LIPC: variants seen among roughly 807,000 people sequenced by gnomAD.
The protein encoded by LIPC is lipase C, hepatic type, also known as hepatic triacylglycerol lipase.
LIPC carries 44 observed loss-of-function variants against 50.7 expected under a neutral mutation model. The observed-to-expected ratio is 0.87, with a 90% CI of 0.68 to 1.11. The LOEUF (loss-of-function observed/expected upper bound fraction) is 1.11, where lower values mean the gene tolerates loss of function less well. Ranked by LOEUF, LIPC falls within the 50% of genes most tolerant of loss-of-function variation. LIPC has a pLI of 0.00. For missense variants in LIPC, 697 were observed against 648.2 expected, an observed-to-expected ratio of 1.08 and a Z score of -0.82; for synonymous variants, 271 against 256.4, an observed-to-expected ratio of 1.06 and a Z score of -0.54.
chr15:58,526,183 G>A (rs1381786234), intron 1 of LIPC, among the ~76,000 whole-genome samples: 5 of 152,218 alleles, frequency 3.3e-5, no homozygotes, highest in Admixed American at 2.6e-4. Context: ...TGGCACCCAG[G>A]AGTCTGCATC....
At chr15:58,452,841 G>T (rs1402851503) in intron 1 of LIPC, among the ~76,000 whole-genome samples, 1 of 152,206 alleles carries the variant, frequency 6.6e-6, no homozygotes, top group Non-Finnish European at 1.5e-5. Flanking sequence ...ACAGCTGGGG[G>T]ACACAGAGGT....
chr15:58,463,972 G>A (rs1378406024), intron 1 of LIPC, among the ~76,000 whole-genome samples: 1 of 152,036 alleles, frequency 6.6e-6, no homozygotes, highest in Non-Finnish European at 1.5e-5. Flanking sequence ...AGTCCACAAT[G>A]ACAGGTTTCA....
chr15:58,506,345 G>A (rs1253165513), intron 1 of LIPC, among the ~76,000 whole-genome samples: 3 of 152,120 alleles, frequency 2.0e-5, no homozygotes, highest in Non-Finnish European at 2.9e-5. Flanking sequence ...GTCTTCTTTG[G>A]CATGGGCACA....
chr15:58,470,918 C>T (rs1285547047), intron 1 of LIPC, among the ~76,000 whole-genome samples: 1 of 152,156 alleles, frequency 6.6e-6, no homozygotes, highest in Non-Finnish European at 1.5e-5. Context: ...GTCCTTTTGT[C>T]TGCCTCCTTT....
chr15:58,521,807 C>A (rs1284629821), intron 1 of LIPC: 1 of 152,268 alleles, frequency 6.6e-6, no homozygotes, highest in Non-Finnish European at 1.5e-5. Flanking sequence ...GTTCAGCCCT[C>A]AACAAGTTAA....
intron 1 of LIPC, among the ~76,000 whole-genome samples, chr15:58,536,720 T>C (rs1398086715): frequency 1.3e-5 from 2 of 152,200 alleles, no homozygotes; most frequent in Non-Finnish European, 2.9e-5. Flanking sequence ...GCAGAAATTT[T>C]CTTCATTATC....
intron 1 of LIPC, among the ~76,000 whole-genome samples, chr15:58,484,567 A>T (rs1196104928): frequency 2.6e-5 from 4 of 152,266 alleles, no homozygotes; most frequent in Non-Finnish European, 4.4e-5. Flanking sequence ...GATGAATACT[A>T]TTCTTATCCT....
intron 8 of LIPC, chr15:58,566,275 G>C: frequency 2.0e-6 from 2 of 985,444 alleles, no homozygotes; most frequent in Non-Finnish European, 2.4e-6. Context: ...GAGGCCAAGA[G>C]GTGTTCCCAG....
At chr15:58,457,492 C>G (rs1305518094) in intron 1 of LIPC, among the ~76,000 whole-genome samples, 1 of 152,256 alleles carries the variant, frequency 6.6e-6, no homozygotes, top group Admixed American at 6.5e-5. Flanking sequence ...CGATATGCCA[C>G]TTGGCTCCTT....
intron 1 of LIPC, among the ~76,000 whole-genome samples, chr15:58,500,304 G>C (rs1480091917): frequency 6.9e-6 from 1 of 144,696 alleles, no homozygotes; most frequent in African/African-American, 2.4e-5. Flanking sequence ...GCTGTGAGAT[G>C]ATTTTGTGAG....
chr15:58,446,801 T>C (rs1311819964), intron 1 of LIPC, among the ~76,000 whole-genome samples: 2 of 152,122 alleles, frequency 1.3e-5, no homozygotes, highest in African/African-American at 4.8e-5. Flanking sequence ...CAAATGACTG[T>C]TGCATGTTTG....
intron 1 of LIPC, among the ~76,000 whole-genome samples, chr15:58,478,017 C>T (rs890815639): frequency 1.3e-5 from 2 of 152,096 alleles, no homozygotes; most frequent in East Asian, 1.9e-4. Context: ...ACACCTGTCC[C>T]AGGCTCTGGC....
At chr15:58,485,903 G>A (rs746505011) in intron 1 of LIPC, among the ~76,000 whole-genome samples, 1 of 152,218 alleles carries the variant, frequency 6.6e-6, no homozygotes, top group Non-Finnish European at 1.5e-5. Flanking sequence ...TGTGGGCTGT[G>A]TGAGGACGTC....
chr15:58,519,205 G>A (rs1271834246), intron 1 of LIPC, among the ~76,000 whole-genome samples: 1 of 152,068 alleles, frequency 6.6e-6, no homozygotes, highest in Non-Finnish European at 1.5e-5. Context: ...TCAGGAGATC[G>A]AGACCATCCT....
chr15:58,534,704 C>A (rs1338454138), intron 1 of LIPC, among the ~76,000 whole-genome samples: 3 of 152,136 alleles, frequency 2.0e-5, no homozygotes, highest in Non-Finnish European at 2.9e-5. Context: ...ATAACTGATC[C>A]CGCTTCCCTC....
At chr15:58,511,347 C>A (rs1334794318) in intron 1 of LIPC, among the ~76,000 whole-genome samples, 1 of 152,122 alleles carries the variant, frequency 6.6e-6, no homozygotes, top group Non-Finnish European at 1.5e-5. Flanking sequence ...TCCTCACTAA[C>A]CCCAAGGCCC....
chr15:58,565,674 G>C lies in LIPC; in HGVS notation c.1388+1951G>C, dbSNP rs1894340636. On this transcript the variant is annotated intron_variant, in intron 8 of 8. Coordinates refer to ENST00000299022, the MANE Select transcript of LIPC (RefSeq NM_000236.3). The stretch of plus-strand genomic sequence containing the variant: ...TTGTCTGATTTATTACCCATTTGTT[G>C]GGGGTGTGCTGTTTCCAACAGTTCC... 1.6e-5 allele frequency: 16 copies of C among 1,013,022 alleles called. No individual in the cohort carries two copies. In the South Asian group the frequency reaches 6.6e-4, roughly 42 times the overall value. 62.8% of individuals were successfully genotyped at this position (1,013,022 alleles called of 1,614,324 possible).
intron 6 of LIPC, among the ~76,000 whole-genome samples, chr15:58,560,524 C>A (rs958746835): frequency 2.0e-5 from 3 of 152,174 alleles, no homozygotes; most frequent in Non-Finnish European, 4.4e-5. Context: ...CGAAAGGAGA[C>A]CCTCACCAAA....
rs369706830 is a variant in LIPC at position 58,548,506 on chromosome 15, C to T, written c.985C>T (p.Arg329Cys). Residue 329 changes from arginine to cysteine, a missense_variant, in exon 6 of 9, where the codon CGC (arginine) becomes TGC (cysteine). Physicochemically the swap from Arg to Cys is radical, Grantham distance 180. Coordinates refer to ENST00000299022, the MANE Select transcript of LIPC (RefSeq NM_000236.3). ...CTGCAACACGCTGGGCTACCACGTCCGCCAGGAGCCGCGGAGCAAGAGCAA... is the reference window on the plus strand; with the variant it reads ...CTGCAACACGCTGGGCTACCACGTCTGCCAGGAGCCGCGGAGCAAGAGCAA... ...GRCNTLGYHV[R>C]QEPRSKSKRL... The T allele has an allele frequency of 2.6e-5, 42 of 1,603,762 alleles. No individual in the cohort carries two copies. Among genetic ancestry groups the T allele is most frequent in the Admixed American group, 1.6e-4 (9 of 57,924 alleles).
Sources: gnomAD v4.1 joint callset for allele counts (sites outside exome capture counted in the v4.1 genomes callset) on GRCh38, gnomAD v4.1.1 for gene constraint, MANE v1.5 for transcripts, NCBI Gene and HGNC (gene_info 2026-07-23, HGNC 2026-07-21) for gene names.